Variants in PDZRN3 observed in about 807,000 individuals in gnomAD.
The protein encoded by PDZRN3 is PDZ domain containing ring finger 3, also known as E3 ubiquitin-protein ligase PDZRN3.
In PDZRN3, 38 loss-of-function variants were observed where a neutral mutation model predicts 85.7. That is an observed-to-expected ratio of 0.44 (90% CI 0.34 to 0.58). The LOEUF is 0.58. Ranked by LOEUF, PDZRN3 falls within the 20% of genes least tolerant of loss-of-function variation. The pLI is 0.01. For missense variants in PDZRN3, 1,629 were observed against 1,506.4 expected, an observed-to-expected ratio of 1.08 and a Z score of -1.35; for synonymous variants, 759 against 638.0, an observed-to-expected ratio of 1.19 and a Z score of -2.86.
chr3:73,389,045 G>A (rs1330657753), intron 7 of PDZRN3, among the ~76,000 whole-genome samples: 2 of 151,742 alleles, frequency 1.3e-5, no homozygotes, highest in Non-Finnish European at 2.9e-5. Context: ...CACAGGTTCT[G>A]GCTGAAGGCT....
intron 3 of PDZRN3, among the ~76,000 whole-genome samples, chr3:73,479,823 T>C (rs1217297789): frequency 6.6e-6 from 1 of 152,142 alleles, no homozygotes; most frequent in Non-Finnish European, 1.5e-5. Context: ...AAAAATATGA[T>C]TCATACATGG....
At chr3:73,557,614 C>T (rs1232993146) in intron 3 of PDZRN3, among the ~76,000 whole-genome samples, 1 of 147,704 alleles carries the variant, frequency 6.8e-6, no homozygotes, top group East Asian at 2.0e-4. Context: ...TATCTCAGCA[C>T]TCTTAACCAA....
intron 3 of PDZRN3, among the ~76,000 whole-genome samples, chr3:73,529,399 A>T (rs1704602362): frequency 6.6e-6 from 1 of 152,190 alleles, no homozygotes; most frequent in Non-Finnish European, 1.5e-5. Flanking sequence ...AGGTGACCTG[A>T]GGTTTCTCTG....
intron 3 of PDZRN3, among the ~76,000 whole-genome samples, chr3:73,420,539 CT>C (rs772810303): frequency 1.3e-5 from 2 of 152,240 alleles, no homozygotes; most frequent in Non-Finnish European, 2.9e-5. Context: ...TTACATACTT[CT>C]GTTGAAACCC....
At chr3:73,492,688 A>G (rs1703793684) in intron 3 of PDZRN3, among the ~76,000 whole-genome samples, 1 of 152,196 alleles carries the variant, frequency 6.6e-6, no homozygotes, top group Non-Finnish European at 1.5e-5. Context: ...ACAGCTAGAC[A>G]GGAAGAAAGG....
At chr3:73,400,622 C>T (rs560896925) in intron 5 of PDZRN3, among the ~76,000 whole-genome samples, 4 of 152,250 alleles carry the variant, frequency 2.6e-5, no homozygotes, top group Admixed American at 6.5e-5. Flanking sequence ...ATGTTAGTTA[C>T]AAGAATGTAT....
intron 3 of PDZRN3, among the ~76,000 whole-genome samples, chr3:73,570,416 G>A (rs759936331): frequency 2.6e-5 from 4 of 152,310 alleles, no homozygotes; most frequent in Admixed American, 2.0e-4. Context: ...TAAAGGCTGC[G>A]TATGAATACA....
chr3:73,558,880 C>A (rs574408237), intron 3 of PDZRN3, among the ~76,000 whole-genome samples: 268 of 152,356 alleles, frequency 1.8e-3, no homozygotes, highest in African/African-American at 6.3e-3. Flanking sequence ...CACTGTTTGA[C>A]AGCCTACGCA....
chr3:73,449,144 GATGTA>G (rs1241837963), intron 3 of PDZRN3, among the ~76,000 whole-genome samples: 7 of 152,150 alleles, frequency 4.6e-5, no homozygotes, highest in Non-Finnish European at 1.0e-4. Flanking sequence ...TACAAGTAAT[GATGTA>G]ATCCAACTTG....
rs1701376908 is a variant in PDZRN3, at chr3:73,544,631, G to C, written c.918+57723C>G. Among the ~76,000 whole-genome samples, 6 of 150,318 alleles carry C rather than the reference G, an allele frequency of 4.0e-5. No individual in the cohort carries two copies. The South Asian group carries it at 1.3e-3, about 31-fold the overall frequency. ...AAAGGACACCACTCTGTGGTGCCGA[G>C]ATATTCAGCTTTATTGAATTTTTTC... On this transcript the variant is annotated intron_variant, in intron 3 of 9. Coordinates refer to ENST00000263666, the MANE Select transcript of PDZRN3 (RefSeq NM_015009.3).
intron 3 of PDZRN3, among the ~76,000 whole-genome samples, chr3:73,406,851 T>C (rs1214995951): frequency 6.6e-6 from 1 of 152,220 alleles, no homozygotes; most frequent in East Asian, 1.9e-4. Flanking sequence ...AGGCATCTTC[T>C]AGTTGTGTCC....
chr3:73,534,486 C>T (rs570094730), intron 3 of PDZRN3, among the ~76,000 whole-genome samples: 2 of 152,280 alleles, frequency 1.3e-5, no homozygotes, highest in East Asian at 3.9e-4. Context: ...GTTATTTTAA[C>T]ACTTAAGAGT....
At chr3:73,531,250 CAAAAAAAA>C (rs60520136) in intron 3 of PDZRN3, among the ~76,000 whole-genome samples, 1,281 of 63,962 alleles carry the variant, frequency 0.02, 27 homozygotes, top group African/African-American at 0.07. Flanking sequence ...GACTTCGTCT[CAAAAAAAA>C]AAAAAAAAAA....
intron 3 of PDZRN3, among the ~76,000 whole-genome samples, chr3:73,435,364 G>A (rs972624819): frequency 6.6e-6 from 1 of 152,154 alleles, no homozygotes; most frequent in Admixed American, 6.5e-5. Context: ...TGCCACCAGG[G>A]AAAGGAAGCC....
chr3:73,544,578 A>T (rs1014799552), intron 3 of PDZRN3, among the ~76,000 whole-genome samples: 10 of 152,236 alleles, frequency 6.6e-5, no homozygotes, highest in African/African-American at 2.4e-4. Flanking sequence ...TTTTGGTGTT[A>T]TTATATTTGA....
intron 3 of PDZRN3, among the ~76,000 whole-genome samples, chr3:73,590,481 G>A (rs913568782): frequency 4.6e-5 from 7 of 152,092 alleles, no homozygotes; most frequent in Non-Finnish European, 8.8e-5. Context: ...CATACCAGAG[G>A]GAATTAGTTC....
Position 73,624,205 on chromosome 3 carries a change from A to C in PDZRN3, c.621T>G (p.Leu207=). ...SLVAQLAAAQ[L]ELQMTALRYQ... ...AGCGCAGCGCGGTCATCTGCAGCTC[A>C]AGCTGCGCCGCGGCCAGCTGGGCCA... Residue 207 remains leucine, a synonymous_variant, in exon 1 of 10, where the codon CTT becomes CTG. Transcript: ENST00000263666. 1 of 1,489,782 alleles carries C rather than the reference A, an allele frequency of 6.7e-7. No individual in the cohort carries two copies. Among genetic ancestry groups the C allele is most frequent in the Non-Finnish European group, 8.9e-7 (1 of 1,126,056 alleles). 92.3% of individuals were successfully genotyped at this position (1,489,782 alleles called of 1,614,324 possible).
chr3:73,414,701 A>G (rs1301254619), intron 3 of PDZRN3, among the ~76,000 whole-genome samples: 1 of 152,244 alleles, frequency 6.6e-6, no homozygotes, highest in African/African-American at 2.4e-5. Context: ...GAATGTTGAT[A>G]GAATGGGCTA....
At chr3:73,600,337 A>ACACACTCTCTCTCTCTCT (rs34405662) in intron 3 of PDZRN3, among the ~76,000 whole-genome samples, 14 of 100,072 alleles carry the variant, frequency 1.4e-4, no homozygotes, top group African/African-American at 5.1e-4. Context: ...ACACACACAC[A>ACACACTCTCTCTCTCTCT]CTCTCTCTCT....
Sources: allele counts gnomAD v4.1 joint callset (sites outside exome capture counted in the v4.1 genomes callset), GRCh38; gene constraint gnomAD v4.1.1; transcripts MANE v1.5; gene names NCBI Gene and HGNC (gene_info 2026-07-23, HGNC 2026-07-21).